GRAMD2A: variants seen among roughly 807,000 people sequenced by gnomAD.
The protein encoded by GRAMD2A is GRAM domain containing 2A, also known as GRAM domain-containing protein 2A.
Under a neutral mutation model 51.1 loss-of-function variants are expected in GRAMD2A, and 37 were observed. The ratio of observed to expected loss-of-function variants is 0.72; its 90% CI spans 0.56 to 0.95. The LOEUF is 0.95. GRAMD2A is among the 40% of genes least tolerant of loss of function. GRAMD2A has a pLI of 0.00. For missense variants in GRAMD2A, 414 were observed against 426.9 expected, an observed-to-expected ratio of 0.97 and a Z score of 0.27; for synonymous variants, 136 against 157.1, an observed-to-expected ratio of 0.87 and a Z score of 1.01.
At chr15:72,165,558 G>C in intron 7 of GRAMD2A, 148 bp from the exon 8 acceptor site, 3 of 714,178 alleles carry the variant, frequency 4.2e-6, no homozygotes, top group Non-Finnish European at 7.0e-6. Flanking sequence ...TCTATAGGGG[G>C]CCCCCTATTT....
At chr15:72,168,279 G>T (rs376789702) in intron 4 of GRAMD2A, among the ~76,000 whole-genome samples, 1 of 152,200 alleles carries the variant, frequency 6.6e-6, no homozygotes, top group Non-Finnish European at 1.5e-5. Context: ...AAGCCCTGAC[G>T]TTTCCCCAAG....
At chr15:72,163,208 G>A (rs1249508963) in intron 10 of GRAMD2A, 58 bp downstream of exon 10, 1 of 1,216,774 alleles carries the variant, frequency 8.2e-7, no homozygotes, top group Admixed American at 1.7e-5. Context: ...CAAGGCCCTT[G>A]TTCCAAGCAC....
intron 1 of GRAMD2A, among the ~76,000 whole-genome samples, chr15:72,195,448 A>G (rs1596703190): frequency 6.6e-6 from 1 of 152,164 alleles, no homozygotes; most frequent in Non-Finnish European, 1.5e-5. Flanking sequence ...GGGTGGAGCC[A>G]CCCAGGAGGC....
rs1045664543 is a variant in GRAMD2A, at chr15:72,186,328, A to T, written c.41+11403T>A. Among the ~76,000 whole-genome samples the T allele has an allele frequency of 5.4e-4, 78 of 144,820 alleles. 1 individual carries two copies. The South Asian group carries it at 7.8e-3, about 15-fold the overall frequency. ...TCTTTTTCTTTTATTTATTTATTTA[A>T]TTTTTTTTTTTTTTGAGACAGAGTC... is the stretch of plus-strand genomic sequence containing the variant. On this transcript the variant is annotated intron_variant, in intron 1 of 11. Transcript: ENST00000309731.
intron 1 of GRAMD2A, among the ~76,000 whole-genome samples, chr15:72,189,040 C>T (rs1227261267): frequency 2.0e-5 from 3 of 151,992 alleles, no homozygotes; most frequent in Admixed American, 6.6e-5. Flanking sequence ...AGAATAAGTT[C>T]AAACAAAACA....
chr15:72,179,356 T>C (rs925652058), intron 1 of GRAMD2A, among the ~76,000 whole-genome samples: 3 of 152,100 alleles, frequency 2.0e-5, no homozygotes, highest in African/African-American at 7.2e-5. Flanking sequence ...TCCTAAGGAA[T>C]CCTAACTGGG....
rs369022435 is a variant in GRAMD2A at position 72,162,015 on chromosome 15, G to A, written c.1062-3C>T. ...GACAAAGGCCAAGTGGCTGTTACCT[G>A]CACACAGGAAAGATGTCCACATCAG... is the stretch of plus-strand genomic sequence containing the variant. On this transcript the variant is annotated splice_region_variant and splice_polypyrimidine_tract_variant and intron_variant, in intron 11 of 11. Coordinates refer to ENST00000309731, the MANE Select transcript of GRAMD2A (RefSeq NM_001012642.3). 6.2e-7 allele frequency: 1 copy of A among 1,613,954 alleles called. No individual in the cohort carries two copies. Among genetic ancestry groups the A allele is most frequent in the African/African-American group, 1.3e-5 (1 of 74,928 alleles).
chr15:72,168,339 C>T lies in GRAMD2A; in HGVS notation c.268+152G>A, dbSNP rs932219260. 43 of 663,928 alleles carry T rather than the reference C, an allele frequency of 6.5e-5. No individual in the cohort carries two copies. In the Admixed American group the frequency reaches 1.1e-3, roughly 17 times the overall value. 41.1% of individuals were successfully genotyped at this position (663,928 alleles called of 1,614,324 possible). A position where few individuals can be genotyped will look rare whatever the true frequency, so the allele number is the denominator to read the frequency against. ...TGTCCAAACCAGCCCAGTCTTCTCA[C>T]CAGCCCAGTCTTCTCACATTCTAGG... On this transcript the variant is annotated intron_variant, in intron 4 of 11. Transcript: ENST00000309731.
chr15:72,167,227 A>G, intron 5 of GRAMD2A, 135 bp from the exon 6 acceptor site: 1 of 682,094 alleles, frequency 1.5e-6, no homozygotes, highest in Non-Finnish European at 2.7e-6. Context: ...GAAGTCTCTG[A>G]ACCTTCTACC....
chr15:72,178,724 G>A (rs562116660), intron 1 of GRAMD2A, among the ~76,000 whole-genome samples: 182 of 151,596 alleles, frequency 1.2e-3, no homozygotes, highest in Non-Finnish European at 1.6e-3. Flanking sequence ...ACAGGCGCCC[G>A]CCACCACGCC....
At chr15:72,175,018 C>T (rs2081642238) in intron 1 of GRAMD2A, among the ~76,000 whole-genome samples, 1 of 152,098 alleles carries the variant, frequency 6.6e-6, no homozygotes, top group African/African-American at 2.4e-5. Context: ...GCCATCTAGA[C>T]GTGTCCATGC....
At chr15:72,169,385 G>A (rs1596683372) in intron 2 of GRAMD2A, 1 of 475,754 alleles carries the variant, frequency 2.1e-6, no homozygotes, top group East Asian at 5.5e-5. Flanking sequence ...GGACAGTTTG[G>A]GGTGTGGGTG....
chr15:72,179,189 G>A (rs992679416), intron 1 of GRAMD2A, among the ~76,000 whole-genome samples: 1 of 152,230 alleles, frequency 6.6e-6, no homozygotes, highest in Non-Finnish European at 1.5e-5. Context: ...ATGAAGGGGG[G>A]ATGTGGAGGG....
At chr15:72,192,071 TATAG>T (rs1317760047) in intron 1 of GRAMD2A, among the ~76,000 whole-genome samples, 2 of 152,230 alleles carry the variant, frequency 1.3e-5, no homozygotes, top group Non-Finnish European at 2.9e-5. Context: ...AAGGCTCTTT[TATAG>T]ATATACATTG....
At position 72,169,653 on chromosome 15, in the gene GRAMD2A, C is replaced by T. The variant is rs568796567; in HGVS notation, c.134+194G>A. On this transcript the variant is annotated intron_variant, in intron 2 of 11. Coordinates refer to ENST00000309731, the MANE Select transcript of GRAMD2A (RefSeq NM_001012642.3). ...AGGCTGGAAACCCGAGAAGCATGGA[C>T]TCTGCTAGGTCCCAGTGCACTGGGA... 5.2e-5 allele frequency: 36 copies of T among 697,094 alleles called. No homozygotes were observed. The South Asian group carries it at 5.3e-4, about 10-fold the overall frequency. The allele number at this position is 697,094 out of a possible 1,614,324, so 43.2% of individuals were successfully genotyped here.
intron 1 of GRAMD2A, among the ~76,000 whole-genome samples, chr15:72,179,185 G>C (rs76957408): frequency 0.022 from 3,299 of 152,336 alleles, 109 homozygotes; most frequent in African/African-American, 0.076. Flanking sequence ...TGAGATGAAG[G>C]GGGGATGTGG....
intron 1 of GRAMD2A, among the ~76,000 whole-genome samples, chr15:72,186,561 G>C (rs949902590): frequency 9.2e-5 from 14 of 152,140 alleles, no homozygotes; most frequent in African/African-American, 2.4e-4. Flanking sequence ...CTGACCTCGT[G>C]ATCTGTCTGC....
In GRAMD2A at chr15:72,168,630, C is replaced by T. The variant is rs2081575499; in HGVS notation, c.193-64G>A. The T allele has an allele frequency of 2.9e-6, 4 of 1,384,718 alleles. No individual in the cohort carries two copies. The Admixed American group carries it at 6.7e-5, about 23-fold the overall frequency. 85.8% of individuals were successfully genotyped at this position (1,384,718 alleles called of 1,614,324 possible). A position where few individuals can be genotyped will look rare whatever the true frequency, so the allele number is the denominator to read the frequency against. Reference sequence around the variant, plus strand: ...ATGAGACCGCCAAAGGGGCCCTGCTCCAGCCAACAGGAAATGCCACAGCCC... The same window carrying T: ...ATGAGACCGCCAAAGGGGCCCTGCTTCAGCCAACAGGAAATGCCACAGCCC... On this transcript the variant is annotated intron_variant, in intron 3 of 11. Transcript: ENST00000309731.
chr15:72,169,889 C>A lies in GRAMD2A; in HGVS notation c.92G>T (p.Cys31Phe). ...CTCAACTCTGTCTGGTTTCTCTTTG[C>A]AGGACACAGGACTGTTCAGAGAAGC... Reference protein sequence around the residue: ...KTASLNSPVSCKEKPDRVEEP... With the variant: ...KTASLNSPVSFKEKPDRVEEP... Residue 31 changes from cysteine (C) to phenylalanine (F), a missense_variant, in exon 2 of 12, where the codon TGC (cysteine) becomes TTC (phenylalanine). Physicochemically the swap from Cys to Phe is radical, Grantham distance 205. Coordinates refer to ENST00000309731, the MANE Select transcript of GRAMD2A (RefSeq NM_001012642.3). 6.2e-7 allele frequency: 1 copy of A among 1,614,194 alleles called. No homozygotes were observed.
Sources: allele counts gnomAD v4.1 joint callset (sites outside exome capture counted in the v4.1 genomes callset), GRCh38; gene constraint gnomAD v4.1.1; transcripts MANE v1.5; gene names NCBI Gene and HGNC (gene_info 2026-07-23, HGNC 2026-07-21).